The following ZNF608 variants were observed in gnomAD, a reference collection of about 807,000 sequenced individuals.
ZNF608 encodes renal carcinoma antigen NY-REN-36.
A neutral mutation model predicts 109.0 loss-of-function variants in ZNF608; 12 were observed. The ratio of observed to expected loss-of-function variants is 0.11; its 90% CI spans 0.07 to 0.18. ZNF608 has a LOEUF of 0.18. Among genes scored for constraint, ZNF608 ranks in the 10% least tolerant of loss-of-function variants. ZNF608 has a pLI of 1.00. For missense variants in ZNF608, 1,707 were observed against 1,879.3 expected (o/e 0.91, Z 1.70); for synonymous variants, 732 against 717.4 (o/e 1.02, Z -0.33).
intron 3 of ZNF608, among the ~76,000 whole-genome samples, chr5:124,691,400 GC>G (rs1295030075): frequency 6.6e-6 from 1 of 152,252 alleles, no homozygotes; most frequent in African/African-American, 2.4e-5. Context: ...CAAAGGAAAT[GC>G]AATCAAAACC....
At chr5:124,703,529 C>T (rs1202150438) in intron 2 of ZNF608, among the ~76,000 whole-genome samples, 2 of 152,104 alleles carry the variant, frequency 1.3e-5, no homozygotes, top group African/African-American at 4.8e-5. Context: ...ATTGTGGGAG[C>T]TCCAAGAAGG....
At chr5:124,675,695 C>G (rs936543519) in intron 3 of ZNF608, among the ~76,000 whole-genome samples, 1 of 152,014 alleles carries the variant, frequency 6.6e-6, no homozygotes, top group Non-Finnish European at 1.5e-5. Context: ...TTAGAAATAC[C>G]CTTAATCTAT....
At chr5:124,693,176 C>T (rs1344727102) in intron 3 of ZNF608, among the ~76,000 whole-genome samples, 1 of 152,156 alleles carries the variant, frequency 6.6e-6, no homozygotes, top group African/African-American at 2.4e-5. Flanking sequence ...CTCAATAAAG[C>T]TGCTGTGAGA....
Position 124,644,344 on chromosome 5 carries a change from T to C in ZNF608, c.4023A>G (p.Ser1341=), listed in dbSNP as rs748979910. Residue 1341 remains serine, a synonymous_variant, in exon 6 of 10, where the codon TCA becomes TCG. Coordinates refer to ENST00000513986, the MANE Select transcript of ZNF608 (RefSeq NM_020747.3). ...GATAAGCATGCAAGTACTGTATGTA[T>C]GACTGATGCTGACTCATGGGTGAGG... ...AVSSPMSQHQ[S]YIQYLHAYPY... 2.4e-5 allele frequency: 39 copies of C among 1,614,192 alleles called. No individual in the cohort carries two copies. In the South Asian group the frequency reaches 3.8e-4, roughly 16 times the overall value.
At chr5:124,662,266 A>G (rs1212851496) in intron 3 of ZNF608, among the ~76,000 whole-genome samples, 1 of 152,226 alleles carries the variant, frequency 6.6e-6, no homozygotes, top group Non-Finnish European at 1.5e-5. Context: ...TTCTTGGATG[A>G]CTGAGGAATT....
intron 2 of ZNF608, chr5:124,708,787 T>C (rs978635556): frequency 2.2e-6 from 1 of 456,028 alleles, no homozygotes; most frequent in African/African-American, 2.0e-5. Context: ...GGCCTGGGGA[T>C]GGACCAGGGC....
intron 2 of ZNF608, among the ~76,000 whole-genome samples, chr5:124,703,339 G>A (rs1434692743): frequency 1.3e-5 from 2 of 152,128 alleles, no homozygotes; most frequent in Admixed American, 1.3e-4. Flanking sequence ...TTGGAGGTGA[G>A]AACACAATGG....
chr5:124,744,784 G>A lies in ZNF608; in HGVS notation c.206C>T (p.Ala69Val). ...TGCGGTAGCACCAGCCCCACTGGAG[G>A]CCGGACCTCCACAATCCTTGGAGTT... Reference protein sequence around the residue: ...SSNSKDCGGPASSGAGATAAL... With the variant: ...SSNSKDCGGPVSSGAGATAAL... Residue 69 changes from alanine to valine, a missense_variant, in exon 2 of 10, where the codon GCC (alanine) becomes GTC (valine). Coordinates refer to ENST00000513986, the MANE Select transcript of ZNF608 (RefSeq NM_020747.3). This position sits in a 1 kb window ranked among gnomAD's most constrained non-coding sequence, Gnocchi z 4.5. 6.2e-7 allele frequency: 1 copy of A among 1,614,198 alleles called. No homozygotes were observed. The highest frequency in any genetic ancestry group is 1.3e-5 in the African/African-American group (1 of 75,056).
At chr5:124,722,916 T>A (rs1436888421) in intron 2 of ZNF608, among the ~76,000 whole-genome samples, 2 of 152,070 alleles carry the variant, frequency 1.3e-5, no homozygotes, top group African/African-American at 4.8e-5. Flanking sequence ...GGATCAAAAA[T>A]TATTTAAGTA....
intron 3 of ZNF608, among the ~76,000 whole-genome samples, chr5:124,696,039 C>T (rs1752836727): frequency 6.6e-6 from 1 of 151,952 alleles, no homozygotes. Flanking sequence ...CAAAAATTAT[C>T]GAGGTGTGGT....
chr5:124,743,503 A>G (rs902589223), intron 2 of ZNF608, among the ~76,000 whole-genome samples: 4 of 152,218 alleles, frequency 2.6e-5, no homozygotes, highest in Admixed American at 6.5e-5. Flanking sequence ...ACCAATAACA[A>G]GAACTCATTC....
intron 3 of ZNF608, among the ~76,000 whole-genome samples, chr5:124,669,215 C>T (rs549389182): frequency 6.6e-6 from 1 of 152,284 alleles, no homozygotes; most frequent in East Asian, 1.9e-4. Context: ...ACTGACTCAG[C>T]ATCCCCCACC....
chr5:124,647,979 T>C lies in ZNF608; in HGVS notation c.2405A>G (p.Asn802Ser), dbSNP rs775261900. 1.2e-6 allele frequency: 2 copies of C among 1,614,234 alleles called. No homozygotes were observed. Among genetic ancestry groups the C allele is most frequent in the South Asian group, 2.2e-5 (2 of 91,086 alleles). ...PTIMGEPITV[N>S]PALVSLKDKK... ...GTCTTTGAGTGACACCAGAGCTGGG[T>C]TCACGGTGATGGGCTCTCCCATAAT... Residue 802 changes from asparagine (N) to serine (S), a missense_variant, in exon 5 of 10, where the codon AAC (asparagine) becomes AGC (serine). Transcript: ENST00000513986.
intron 6 of ZNF608, 31 bp downstream of exon 6, chr5:124,644,213 C>CT: frequency 6.5e-7 from 1 of 1,540,918 alleles, no homozygotes; most frequent in African/African-American, 1.4e-5. Flanking sequence ...CGCCTCTTTC[C>CT]TCCAATATAG....
intron 3 of ZNF608, among the ~76,000 whole-genome samples, chr5:124,698,199 CTT>C (rs754345296): frequency 7.9e-5 from 12 of 152,206 alleles, no homozygotes; most frequent in Non-Finnish European, 1.5e-4. Context: ...CTGTGTCTCT[CTT>C]TGTTTCTCCC....
Position 124,701,156 on chromosome 5 carries a change from A to G in ZNF608, c.1020T>C (p.Val340=). ...AACGAGTCCGAACCAAAAGCTGTTC[A>G]ACCGGTGCTGCAATATTGGATGAAG... The part of the protein sequence containing the change: ...SPSSSNIAAP[V]EQLLVRTRSV... Residue 340 remains valine, a synonymous_variant, in exon 3 of 10, where the codon GTT becomes GTC. Transcript: ENST00000513986. The G allele has an allele frequency of 1.9e-6, 3 of 1,614,136 alleles. No homozygotes were observed. The highest frequency in any genetic ancestry group is 1.1e-5 in the South Asian group (1 of 91,078).
chr5:124,639,252 G>C (rs970741437), intron 8 of ZNF608, 38 bp from the exon 9 acceptor site: 2 of 1,594,506 alleles, frequency 1.3e-6, no homozygotes, highest in Admixed American at 1.7e-5. Context: ...GTGATCTTTA[G>C]AAGGATAAGA....
intron 3 of ZNF608, among the ~76,000 whole-genome samples, chr5:124,649,905 C>A (rs148455338): frequency 1.3e-5 from 2 of 152,296 alleles, no homozygotes; most frequent in East Asian, 3.9e-4. Flanking sequence ...CATTCGTGCG[C>A]GTGCGCATGT....
intron 2 of ZNF608, among the ~76,000 whole-genome samples, chr5:124,724,069 C>G (rs1754042938): frequency 6.6e-6 from 1 of 152,070 alleles, no homozygotes; most frequent in Admixed American, 6.5e-5. Flanking sequence ...CATGTTCCAC[C>G]ATTGCTGGGA....
Sources: allele counts gnomAD v4.1 joint callset (sites outside exome capture counted in the v4.1 genomes callset), GRCh38; gene constraint gnomAD v4.1.1; non-coding constraint Gnocchi (gnomAD v3.1); transcripts MANE v1.5; gene names NCBI Gene and HGNC (gene_info 2026-07-23, HGNC 2026-07-21).